PIEZO2: variants seen among roughly 807,000 people sequenced by gnomAD.
PIEZO2 encodes piezo type mechanosensitive ion channel component 2, also known as piezo-type mechanosensitive ion channel component 2.
A neutral mutation model predicts 337.3 loss-of-function variants in PIEZO2; 172 were observed. That is an observed-to-expected ratio of 0.51 (90% CI 0.45 to 0.58). PIEZO2 has a LOEUF of 0.58. Among genes scored for constraint, PIEZO2 ranks in the 20% least tolerant of loss-of-function variants. The probability of loss-of-function intolerance (pLI) is 0.00; values close to 1 mark genes in which losing one functional copy is unlikely to be tolerated. For missense variants in PIEZO2, 3,028 were observed against 3,391.3 expected (o/e 0.89, Z 2.66); for synonymous variants, 1,251 against 1,228.5 (o/e 1.02, Z -0.38).
chr18:10,697,129 G>A (rs539716531), intron 45 of PIEZO2, among the ~76,000 whole-genome samples: 1 of 152,170 alleles, frequency 6.6e-6, no homozygotes. Context: ...CCTTAGTGTG[G>A]TGTCCTGTTG....
chr18:11,140,675 A>C (rs1285890935), intron 1 of PIEZO2, among the ~76,000 whole-genome samples: 2 of 152,184 alleles, frequency 1.3e-5, no homozygotes, highest in Admixed American at 1.3e-4. Flanking sequence ...AGGTACCTTC[A>C]ACCACAGGAG....
rs975973563 is a variant in PIEZO2, at chr18:11,021,047, T to C, written c.161-41387A>G. 6.6e-6 allele frequency among the ~76,000 whole-genome samples: 1 copy of C among 152,198 alleles called. No homozygotes were observed. The highest frequency in any genetic ancestry group is 2.4e-5 in the African/African-American group (1 of 41,452). On this transcript the variant is annotated intron_variant, in intron 2 of 55. Transcript: ENST00000674853. The surrounding 1 kb of genome is among the most constrained non-coding windows in gnomAD (Gnocchi z 4.7). ...CTCAGCAGAAAAGCACTAACCCTCATGGAGTCACTGTAGGAAGTGACTTGT... is the reference window on the plus strand; with the variant it reads ...CTCAGCAGAAAAGCACTAACCCTCACGGAGTCACTGTAGGAAGTGACTTGT...
Position 10,724,566 on chromosome 18 carries a change from C to T in PIEZO2, c.5030-6307G>A, listed in dbSNP as rs2036450040. The T allele has an allele frequency of 3.6e-6, 2 of 560,164 alleles. No homozygotes were observed. The highest frequency in any genetic ancestry group is 2.8e-5 in the East Asian group (1 of 35,182). 34.7% of individuals were successfully genotyped at this position (560,164 alleles called of 1,614,324 possible). A position where few individuals can be genotyped will look rare whatever the true frequency, so the allele number is the denominator to read the frequency against. On this transcript the variant is annotated intron_variant, in intron 36 of 55. Coordinates refer to ENST00000674853, the MANE Select transcript of PIEZO2 (RefSeq NM_001378183.1). The surrounding 1 kb of genome is among the most constrained non-coding windows in gnomAD (Gnocchi z 5.8). ...CATACCCTTCTGTGTCCCCAGAAGT[C>T]GACAGTGTGGGGAGTTGGAGTGACC...
intron 8 of PIEZO2, among the ~76,000 whole-genome samples, chr18:10,805,255 T>A (rs1036736545): frequency 1.3e-5 from 2 of 152,266 alleles, no homozygotes; most frequent in African/African-American, 4.8e-5. Context: ...GGCTCATGCC[T>A]GTAATCCCAG....
At chr18:10,964,660 T>A (rs1447699997) in intron 3 of PIEZO2, among the ~76,000 whole-genome samples, 1 of 152,216 alleles carries the variant, frequency 6.6e-6, no homozygotes, top group African/African-American at 2.4e-5. Flanking sequence ...CTGATGGCAG[T>A]ACTTGTTCAC....
rs73943080 is a variant in PIEZO2 at position 10,952,799 on chromosome 18, G to A, written c.286+26736C>T. On this transcript the variant is annotated intron_variant, in intron 3 of 55. Transcript: ENST00000674853. The surrounding 1 kb of genome is among the most constrained non-coding windows in gnomAD (Gnocchi z 4.1). ...AGTGTCTATATAATTGTACATTCCC[G>A]CCAGAAATGTATTTGAATTCCAAGT... is the stretch of plus-strand genomic sequence containing the variant. 3.9e-3 allele frequency among the ~76,000 whole-genome samples: 595 copies of A among 152,018 alleles called. 2 individuals are homozygous for A. The highest frequency in any genetic ancestry group is 0.011 in the African/African-American group (448 of 41,462).
Position 10,698,933 on chromosome 18 carries a change from G to T in PIEZO2, c.6686C>A (p.Ser2229Tyr), listed in dbSNP as rs765002398. 1.2e-5 allele frequency: 19 copies of T among 1,536,332 alleles called. No homozygotes were observed. The highest frequency in any genetic ancestry group is 1.7e-5 in the Non-Finnish European group (19 of 1,146,912). ...SQRSSFSSNR[S>Y]QRGSTSTRNS... ...ATTGTGTCGACAGATACCTCTTTGG[G>T]ATCTGTTTGAAGAAAAGCTGGATCT... The change falls in exon 44 of 56, where the codon TCC (serine) becomes TAC (tyrosine). Residue 2229 changes from serine to tyrosine, a missense_variant. Ser to Tyr is a moderately radical substitution (Grantham distance 144). Coordinates refer to ENST00000674853, the MANE Select transcript of PIEZO2 (RefSeq NM_001378183.1).
chr18:11,098,269 A>ACACACC (rs2039316375), intron 1 of PIEZO2, among the ~76,000 whole-genome samples: 1 of 151,180 alleles, frequency 6.6e-6, no homozygotes, highest in Admixed American at 6.6e-5. Flanking sequence ...ACACACACAC[A>ACACACC]CACACGAAAA....
chr18:11,017,884 T>C (rs1021505906), intron 2 of PIEZO2, among the ~76,000 whole-genome samples: 2 of 152,122 alleles, frequency 1.3e-5, no homozygotes, highest in African/African-American at 2.4e-5. Context: ...TCCCAGTGCA[T>C]TGGGAGGTTA....
In PIEZO2 at chr18:10,671,483, A is replaced by G. The variant is rs780241167; in HGVS notation, c.*44T>C. The G allele has an allele frequency of 6.4e-7, 1 of 1,565,874 alleles. No individual in the cohort carries two copies. The highest frequency in any genetic ancestry group is 2.3e-5 in the East Asian group (1 of 44,326). ...TTATGAGAATATTGTGCTTTTAAAA[A>G]AAATTCAAATGTTAACATTATTTGC... On this transcript the variant is annotated 3_prime_UTR_variant, in exon 56 of 56. Coordinates refer to ENST00000674853, the MANE Select transcript of PIEZO2 (RefSeq NM_001378183.1).
chr18:10,801,452 C>T (rs1285586795), intron 9 of PIEZO2, 24 bp from the exon 10 acceptor site: 1 of 1,490,082 alleles, frequency 6.7e-7, no homozygotes, highest in Admixed American at 2.0e-5. Flanking sequence ...TGCGGGAAAG[C>T]ATGTTAGTAA....
chr18:10,718,051 A>G (rs556512593), intron 37 of PIEZO2, 149 bp downstream of exon 37: 14 of 692,576 alleles, frequency 2.0e-5, no homozygotes, highest in African/African-American at 1.3e-4. Context: ...TTCAGTGGAG[A>G]TGAGATTCCA....
chr18:11,024,912 T>A (rs1305658687), intron 2 of PIEZO2, among the ~76,000 whole-genome samples: 1 of 151,774 alleles, frequency 6.6e-6, no homozygotes, highest in Non-Finnish European at 1.5e-5. Context: ...GTGCTGGAAA[T>A]ACAGGCATGA....
rs72240789 is a variant in PIEZO2 at position 10,853,393 on chromosome 18, ATT to A, written c.917+1958_917+1959del. 7.2e-4 allele frequency among the ~76,000 whole-genome samples: 110 copies of A among 152,252 alleles called. No homozygotes were observed. The highest frequency in any genetic ancestry group is 2.5e-3 in the African/African-American group (104 of 41,560). On this transcript the variant is annotated intron_variant, in intron 7 of 55. Coordinates refer to ENST00000674853, the MANE Select transcript of PIEZO2 (RefSeq NM_001378183.1). The surrounding 1 kb of genome is among the most constrained non-coding windows in gnomAD (Gnocchi z 4.2). ...TTCCTGCTCTAAAGCTTTTTAATAC[ATT>A]GTCACTCATTCCTGCTCCAAAACTT...
At chr18:11,120,734 C>G (rs75092675) in intron 1 of PIEZO2, among the ~76,000 whole-genome samples, 1 of 152,328 alleles carries the variant, frequency 6.6e-6, no homozygotes, top group East Asian at 1.9e-4. Flanking sequence ...ACAATCTTGG[C>G]TACAAGGCTT....
chr18:10,869,319 A>G (rs1190328780), intron 5 of PIEZO2, among the ~76,000 whole-genome samples: 1 of 152,154 alleles, frequency 6.6e-6, no homozygotes, highest in East Asian at 1.9e-4. Flanking sequence ...CCCTCCTTCT[A>G]TAGTTATTAT....
At position 10,691,258 on chromosome 18, in the gene PIEZO2, C is replaced by T. The variant is rs1327467847; in HGVS notation, c.7316G>A (p.Ser2439Asn). 1.2e-6 allele frequency: 2 copies of T among 1,613,870 alleles called. No individual in the cohort carries two copies. Among genetic ancestry groups the T allele is most frequent in the South Asian group, 1.1e-5 (1 of 91,016 alleles). ...TAAGAAGAGGTTGACGTAATTGTAG[C>T]TCTTGGTGAGGAAGTTCCCCAGGAC... ...TRVLGNFLTK[S>N]YNYVNLFLFQ... The change falls in exon 48 of 56, where the codon AGC becomes AAC. Residue 2439 changes from serine to asparagine, a missense_variant. Physicochemically the swap from Ser to Asn is conservative, Grantham distance 46. Coordinates refer to ENST00000674853, the MANE Select transcript of PIEZO2 (RefSeq NM_001378183.1).
At chr18:10,680,676 A>G (rs567274517) in intron 51 of PIEZO2, among the ~76,000 whole-genome samples, 1 of 152,316 alleles carries the variant, frequency 6.6e-6, no homozygotes, top group South Asian at 2.1e-4. Context: ...CTTTCCACTA[A>G]AAAGGAAATT....
At chr18:10,796,144 C>T (rs2039587729) in intron 12 of PIEZO2, among the ~76,000 whole-genome samples, 1 of 151,778 alleles carries the variant, frequency 6.6e-6, no homozygotes, top group Non-Finnish European at 1.5e-5. Context: ...GCGGGCGGAT[C>T]ATGAGGCCAG....
Sources: allele counts gnomAD v4.1 joint callset (sites outside exome capture counted in the v4.1 genomes callset), GRCh38; gene constraint gnomAD v4.1.1; non-coding constraint Gnocchi (gnomAD v3.1); transcripts MANE v1.5; gene names NCBI Gene and HGNC (gene_info 2026-07-23, HGNC 2026-07-21).